Variants in ATF7IP2 observed in about 807,000 individuals in gnomAD.
ATF7IP2 encodes the protein activating transcription factor 7-interacting protein 2.
A neutral mutation model predicts 64.2 loss-of-function variants in ATF7IP2; 42 were observed. The ratio of observed to expected loss-of-function variants is 0.65; its 90% CI spans 0.51 to 0.85. The LOEUF (loss-of-function observed/expected upper bound fraction) is 0.85, where lower values mean the gene tolerates loss of function less well. ATF7IP2 is among the 40% of genes least tolerant of loss of function. ATF7IP2 has a pLI of 0.00. For missense variants in ATF7IP2, 933 were observed against 784.2 expected, an observed-to-expected ratio of 1.19 and a Z score of -2.27; for synonymous variants, 308 against 272.8, an observed-to-expected ratio of 1.13 and a Z score of -1.27.
At chr16:10,401,122 C>G (rs919489744) in intron 1 of ATF7IP2, among the ~76,000 whole-genome samples, 4 of 152,084 alleles carry the variant, frequency 2.6e-5, no homozygotes, top group African/African-American at 9.7e-5. Flanking sequence ...GTAGAACCAT[C>G]CTTGCATCCT....
At chr16:10,423,858 G>A (rs575187610) in intron 3 of ATF7IP2, among the ~76,000 whole-genome samples, 12 of 152,270 alleles carry the variant, frequency 7.9e-5, no homozygotes, top group African/African-American at 2.6e-4. Context: ...TCTTACCACA[G>A]GGATTGCTTA....
intron 3 of ATF7IP2, among the ~76,000 whole-genome samples, chr16:10,425,316 C>T (rs1298986791): frequency 1.3e-5 from 2 of 151,430 alleles, no homozygotes; most frequent in South Asian, 2.1e-4. Context: ...GTGATCCACC[C>T]GCCTCAGCCT....
chr16:10,426,248 A>C (rs2048083598), intron 3 of ATF7IP2, among the ~76,000 whole-genome samples: 2 of 152,216 alleles, frequency 1.3e-5, no homozygotes, highest in African/African-American at 4.8e-5. Flanking sequence ...CAAATAATTC[A>C]AATTGGCTAA....
intron 4 of ATF7IP2, among the ~76,000 whole-genome samples, chr16:10,430,194 A>G (rs932874166): frequency 6.6e-6 from 1 of 152,192 alleles, no homozygotes; most frequent in Non-Finnish European, 1.5e-5. Flanking sequence ...AAGCTTAAAC[A>G]GATGCCATTA....
At chr16:10,424,831 G>C (rs118008366) in intron 3 of ATF7IP2, among the ~76,000 whole-genome samples, 1 of 152,256 alleles carries the variant, frequency 6.6e-6, no homozygotes, top group Non-Finnish European at 1.5e-5. Context: ...AAGACAAACA[G>C]ATAAGAAGTG....
chr16:10,386,277 T>A (rs2047201358), intron 1 of ATF7IP2, 155 bp downstream of exon 1: 4 of 152,064 alleles, frequency 2.6e-5, no homozygotes, highest in Non-Finnish European at 2.9e-5. Context: ...CTGAAAAGCG[T>A]CCGCGGGGCC....
intron 1 of ATF7IP2, among the ~76,000 whole-genome samples, chr16:10,402,282 T>C (rs2047550311): frequency 6.6e-6 from 1 of 152,210 alleles, no homozygotes; most frequent in East Asian, 1.9e-4. Context: ...GTCGTTTTTC[T>C]ATTTTCATTT....
chr16:10,472,160 C>G lies in ATF7IP2; in HGVS notation c.1403C>G (p.Thr468Ser), dbSNP rs144771489. 8.3e-6 allele frequency: 13 copies of G among 1,568,036 alleles called. No individual in the cohort carries two copies. The highest frequency in any genetic ancestry group is 9.6e-6 in the Non-Finnish European group (11 of 1,147,246). Residue 468 changes from threonine to serine, a missense_variant, in exon 10 of 14, where the codon ACT becomes AGT. Transcript: ENST00000562102. ...LISVESPNLT[T>S]PITSNPTDTR... ...TCTGTGGAAAGTCCTAATTTGACAA[C>G]TCCAATTACATCAAATCCAACAGGT... is the stretch of plus-strand genomic sequence containing the variant.
intron 8 of ATF7IP2, among the ~76,000 whole-genome samples, chr16:10,441,857 CAA>C: frequency 6.6e-6 from 1 of 152,272 alleles, no homozygotes; most frequent in East Asian, 1.9e-4. Context: ...ATGTTAGAAA[CAA>C]GAGCTGGGAG....
At chr16:10,403,012 A>G (rs573026087) in intron 1 of ATF7IP2, among the ~76,000 whole-genome samples, 5 of 152,250 alleles carry the variant, frequency 3.3e-5, no homozygotes, top group Admixed American at 2.6e-4. Flanking sequence ...CTATGAATGA[A>G]TGTTATGTTC....
chr16:10,416,101 A>G (rs970671267), intron 2 of ATF7IP2, among the ~76,000 whole-genome samples: 7 of 152,226 alleles, frequency 4.6e-5, no homozygotes, highest in Admixed American at 1.3e-4. Flanking sequence ...GGTGCTGAAT[A>G]TATACCCAAA....
chr16:10,405,652 A>G (rs965044466), intron 1 of ATF7IP2, among the ~76,000 whole-genome samples: 1 of 152,176 alleles, frequency 6.6e-6, no homozygotes, highest in Non-Finnish European at 1.5e-5. Context: ...CCACCTGACC[A>G]CAGGAATATC....
intron 1 of ATF7IP2, among the ~76,000 whole-genome samples, chr16:10,401,270 C>T (rs1183946814): frequency 3.3e-5 from 5 of 152,060 alleles, no homozygotes; most frequent in Middle Eastern, 3.4e-3. Context: ...CAGGTTCAAG[C>T]GATTCTCCTG....
intron 9 of ATF7IP2, among the ~76,000 whole-genome samples, chr16:10,464,402 A>G (rs1033484147): frequency 6.6e-6 from 1 of 152,174 alleles, no homozygotes; most frequent in African/African-American, 2.4e-5. Context: ...AATTAGTGCC[A>G]CTGTTGTCCG....
At chr16:10,464,094 T>C (rs2049469662) in intron 9 of ATF7IP2, among the ~76,000 whole-genome samples, 1 of 151,892 alleles carries the variant, frequency 6.6e-6, no homozygotes, top group Non-Finnish European at 1.5e-5. Context: ...TCTCTAGTTA[T>C]TGGTCTCTCA....
intron 1 of ATF7IP2, among the ~76,000 whole-genome samples, chr16:10,403,179 A>G (rs953058526): frequency 6.6e-6 from 1 of 152,166 alleles, no homozygotes; most frequent in Non-Finnish European, 1.5e-5. Flanking sequence ...AGTGCCACCT[A>G]TTGGCCTGGA....
At chr16:10,401,001 A>T (rs541436982) in intron 1 of ATF7IP2, among the ~76,000 whole-genome samples, 1 of 152,120 alleles carries the variant, frequency 6.6e-6, no homozygotes, top group East Asian at 1.9e-4. Flanking sequence ...CCTGGCCTTA[A>T]TGCTAAATTT....
intron 8 of ATF7IP2, chr16:10,449,699 C>T (rs766033230): frequency 1.3e-5 from 2 of 151,932 alleles, no homozygotes; most frequent in Non-Finnish European, 2.9e-5. Context: ...TCTGTCTTTT[C>T]TTCTTTATTA....
At chr16:10,414,010 A>G (rs936031090) in intron 1 of ATF7IP2, among the ~76,000 whole-genome samples, 1 of 152,184 alleles carries the variant, frequency 6.6e-6, no homozygotes, top group African/African-American at 2.4e-5. Flanking sequence ...TGTAGCTGAT[A>G]AGATTCTTTC....
Sources: gnomAD v4.1 joint callset for allele counts (sites outside exome capture counted in the v4.1 genomes callset) on GRCh38, gnomAD v4.1.1 for gene constraint, MANE v1.5 for transcripts, NCBI Gene and HGNC (gene_info 2026-07-23, HGNC 2026-07-21) for gene names.